The following PKNOX2 variants were observed in gnomAD, a reference collection of about 807,000 sequenced individuals.
The protein encoded by PKNOX2 is PBX/knotted 1 homeobox 2.
In PKNOX2, 14 loss-of-function variants were observed where a neutral mutation model predicts 53.1. The ratio of observed to expected loss-of-function variants is 0.26; its 90% CI spans 0.17 to 0.41. The LOEUF (loss-of-function observed/expected upper bound fraction) is 0.41, where lower values mean the gene tolerates loss of function less well. PKNOX2 is among the 10% of genes least tolerant of loss of function. The pLI is 1.00. For missense variants in PKNOX2, 496 were observed against 602.8 expected (o/e 0.82, Z 1.85); for synonymous variants, 257 against 242.8 (o/e 1.06, Z -0.54).
intron 2 of PKNOX2, among the ~76,000 whole-genome samples, chr11:125,303,567 G>A (rs997206788): frequency 4.6e-5 from 7 of 152,200 alleles, no homozygotes; most frequent in African/African-American, 1.4e-4. Context: ...TGGCCTTGGA[G>A]ATTCCTGTCA....
intron 1 of PKNOX2, among the ~76,000 whole-genome samples, chr11:125,230,665 G>A (rs1359433111): frequency 6.6e-6 from 1 of 152,218 alleles, no homozygotes; most frequent in African/African-American, 2.4e-5. Flanking sequence ...GGCAAGAATA[G>A]GAAAACTTGT....
chr11:125,225,194 G>A (rs1228830238), intron 1 of PKNOX2, among the ~76,000 whole-genome samples: 1 of 152,154 alleles, frequency 6.6e-6, no homozygotes, highest in Non-Finnish European at 1.5e-5. Flanking sequence ...CGCCTGCTGG[G>A]GAGAACCCGT....
Position 125,378,116 on chromosome 11 carries a change from T to C in PKNOX2, c.228-7435T>C, listed in dbSNP as rs186250414. Among the ~76,000 whole-genome samples the C allele has an allele frequency of 1.8e-3, 271 of 152,306 alleles. 4 individuals are homozygous for C. The South Asian group carries it at 0.031, about 18-fold the overall frequency. ...TAGTTTCTAGGCTATTCTCTGGTTCTGAGATCCCAGTGGTGTCTGGCCTGG... is the reference window on the plus strand; with the variant it reads ...TAGTTTCTAGGCTATTCTCTGGTTCCGAGATCCCAGTGGTGTCTGGCCTGG... On this transcript the variant is annotated intron_variant, in intron 5 of 12. Coordinates refer to ENST00000298282, the MANE Select transcript of PKNOX2 (RefSeq NM_001382323.2).
chr11:125,288,332 C>A (rs867134050), intron 2 of PKNOX2, among the ~76,000 whole-genome samples: 83 of 152,316 alleles, frequency 5.4e-4, no homozygotes, highest in East Asian at 5.8e-4. Context: ...ACATAAAAAT[C>A]ACTTGGGAAG....
intron 6 of PKNOX2, among the ~76,000 whole-genome samples, chr11:125,388,983 C>T (rs1300334443): frequency 1.3e-5 from 2 of 152,146 alleles, no homozygotes; most frequent in African/African-American, 4.8e-5. Context: ...TCACATGAGG[C>T]TAGGAGTTCG....
intron 2 of PKNOX2, among the ~76,000 whole-genome samples, chr11:125,299,953 T>C (rs1192453270): frequency 6.6e-6 from 1 of 152,250 alleles, no homozygotes; most frequent in Non-Finnish European, 1.5e-5. Flanking sequence ...AGGGCTGTGC[T>C]TGATAGAAGG....
intron 2 of PKNOX2, among the ~76,000 whole-genome samples, chr11:125,300,822 C>G (rs921412151): frequency 4.6e-5 from 7 of 152,204 alleles, no homozygotes; most frequent in African/African-American, 1.7e-4. Flanking sequence ...AGCTTCCAGA[C>G]TCAGGAAAAG....
rs1471271169 is a variant in PKNOX2 at position 125,355,738 on chromosome 11, C to T, written c.87+4346C>T. 2.6e-4 allele frequency among the ~76,000 whole-genome samples: 40 copies of T among 152,152 alleles called. 1 individual carries two copies. Among genetic ancestry groups the T allele is most frequent in the Non-Finnish European group, 1.5e-5 (1 of 68,034 alleles). On this transcript the variant is annotated intron_variant, in intron 4 of 12. Transcript: ENST00000298282. ...CCATTTGCTACTATTTCTGTCCTCT[C>T]CTGCCTTGCTTAGAATCCCAGCAAG... is the stretch of plus-strand genomic sequence containing the variant.
chr11:125,315,320 A>C (rs1330272920), intron 2 of PKNOX2, among the ~76,000 whole-genome samples: 3 of 150,584 alleles, frequency 2.0e-5, no homozygotes, highest in East Asian at 1.9e-4. Context: ...AAAAAAAAAA[A>C]AAAAAAAACA....
intron 1 of PKNOX2, chr11:125,191,420 C>T (rs1341674891): frequency 6.6e-6 from 1 of 152,262 alleles, no homozygotes; most frequent in Non-Finnish European, 1.5e-5. Flanking sequence ...GGAGCACAGC[C>T]TCAGCAACGT....
chr11:125,310,166 C>T (rs777560959), intron 2 of PKNOX2, among the ~76,000 whole-genome samples: 35 of 152,100 alleles, frequency 2.3e-4, no homozygotes, highest in African/African-American at 3.1e-4. Flanking sequence ...TCAGTGAAGC[C>T]ATTCTGGTTC....
intron 2 of PKNOX2, among the ~76,000 whole-genome samples, chr11:125,262,810 TTC>T (rs1944971998): frequency 6.6e-6 from 1 of 152,162 alleles, no homozygotes; most frequent in Non-Finnish European, 1.5e-5. Context: ...TTCTCCTTAC[TTC>T]TCTGTTTCCC....
At chr11:125,229,514 G>A (rs1176307821) in intron 1 of PKNOX2, among the ~76,000 whole-genome samples, 1 of 152,212 alleles carries the variant, frequency 6.6e-6, no homozygotes, top group Admixed American at 6.5e-5. Context: ...CAACCTTGGG[G>A]CTGGTAGTTG....
At chr11:125,355,709 C>G (rs962770631) in intron 4 of PKNOX2, among the ~76,000 whole-genome samples, 2 of 152,094 alleles carry the variant, frequency 1.3e-5, no homozygotes, top group Non-Finnish European at 2.9e-5. Flanking sequence ...CCCCACTGAC[C>G]CTTCCATTTG....
chr11:125,399,988 C>A (rs1037867906), intron 7 of PKNOX2, among the ~76,000 whole-genome samples: 1 of 152,190 alleles, frequency 6.6e-6, no homozygotes, highest in African/African-American at 2.4e-5. Flanking sequence ...AAAAATCAGT[C>A]CCCCTGGAGA....
chr11:125,345,306 G>A (rs1950910873), intron 3 of PKNOX2, among the ~76,000 whole-genome samples: 1 of 152,144 alleles, frequency 6.6e-6, no homozygotes, highest in Non-Finnish European at 1.5e-5. Flanking sequence ...CTGATTTGGA[G>A]GTGACAAACC....
chr11:125,362,737 G>A (rs1011511417), intron 4 of PKNOX2, among the ~76,000 whole-genome samples: 1 of 152,144 alleles, frequency 6.6e-6, no homozygotes, highest in Non-Finnish European at 1.5e-5. Context: ...GAAAAAGATG[G>A]TGCTTAACAG....
At chr11:125,358,058 A>C (rs1231273886) in intron 4 of PKNOX2, among the ~76,000 whole-genome samples, 1 of 152,152 alleles carries the variant, frequency 6.6e-6, no homozygotes, top group South Asian at 2.1e-4. Flanking sequence ...CTGTCTCACG[A>C]GGCTGTTGAG....
intron 2 of PKNOX2, among the ~76,000 whole-genome samples, chr11:125,295,637 A>T (rs988091448): frequency 6.6e-6 from 1 of 152,060 alleles, no homozygotes; most frequent in Non-Finnish European, 1.5e-5. Flanking sequence ...AATAGGGTAG[A>T]CCCTAGTGTC....
Sources: gnomAD v4.1 joint callset for allele counts (sites outside exome capture counted in the v4.1 genomes callset) on GRCh38, gnomAD v4.1.1 for gene constraint, MANE v1.5 for transcripts, NCBI Gene and HGNC (gene_info 2026-07-23, HGNC 2026-07-21) for gene names.